The following LRBA variants were observed in gnomAD, a reference collection of about 807,000 sequenced individuals.
LRBA encodes the protein LPS responsive beige-like anchor protein.
LRBA carries 176 observed loss-of-function variants against 330.0 expected under a neutral mutation model. That is an observed-to-expected ratio of 0.53 (90% confidence interval 0.47 to 0.60). The LOEUF (loss-of-function observed/expected upper bound fraction) is 0.60. LRBA is among the 20% of genes least tolerant of loss of function. LRBA has a pLI of 0.00. For missense variants in LRBA, 3,259 were observed against 3,444.8 expected (o/e 0.95, Z 1.35); for synonymous variants, 1,230 against 1,193.0 (o/e 1.03, Z -0.64).
At chr4:150,774,931 T>A (rs1307853397) in intron 34 of LRBA, among the ~76,000 whole-genome samples, 1 of 152,214 alleles carries the variant, frequency 6.6e-6, no homozygotes, top group Non-Finnish European at 1.5e-5. Flanking sequence ...GCATACTATC[T>A]ACTTCTCCCC....
chr4:150,581,441 T>A (rs1771317265), intron 40 of LRBA: 1 of 356,616 alleles, frequency 2.8e-6, no homozygotes, highest in African/African-American at 2.2e-5. Context: ...CCTGGAAAAA[T>A]TAGGTCCTTT....
intron 30 of LRBA, 38 bp downstream of exon 30, chr4:150,828,142 T>G (rs893264833): frequency 1.3e-6 from 2 of 1,588,808 alleles, no homozygotes; most frequent in African/African-American, 2.7e-5. Flanking sequence ...AAGGGTCAGA[T>G]GTAGAAACAT....
chr4:150,554,752 A>C (rs1166818217), intron 40 of LRBA, among the ~76,000 whole-genome samples: 5 of 152,146 alleles, frequency 3.3e-5, no homozygotes, highest in Admixed American at 3.3e-4. Context: ...AAATTCTTCA[A>C]CAAAACATTC....
chr4:150,768,926 CCTTTTTTTT>C (rs1186653665), intron 34 of LRBA, among the ~76,000 whole-genome samples: 2 of 123,090 alleles, frequency 1.6e-5, no homozygotes, highest in Non-Finnish European at 3.3e-5. Flanking sequence ...AGTGCTGTCT[CCTTTTTTTT>C]TTTTTTTTTT....
At chr4:150,864,276 C>T (rs1752395022) in intron 22 of LRBA, among the ~76,000 whole-genome samples, 1 of 152,082 alleles carries the variant, frequency 6.6e-6, no homozygotes, top group Non-Finnish European at 1.5e-5. Context: ...TCCCCAAAGA[C>T]TCTTTATCTA....
intron 26 of LRBA, among the ~76,000 whole-genome samples, chr4:150,845,403 T>C (rs555303063): frequency 6.6e-6 from 1 of 152,178 alleles, no homozygotes; most frequent in Non-Finnish European, 1.5e-5. Flanking sequence ...TTGATTAATA[T>C]ACAGTCTAAA....
At chr4:150,758,267 C>T (rs774703803) in intron 35 of LRBA, among the ~76,000 whole-genome samples, 69 of 152,172 alleles carry the variant, frequency 4.5e-4, no homozygotes, top group Non-Finnish European at 9.3e-4. Context: ...AACGATCCTG[C>T]TTTGTTCTAA....
At chr4:150,366,489 C>T (rs534032280) in intron 47 of LRBA, among the ~76,000 whole-genome samples, 1 of 152,260 alleles carries the variant, frequency 6.6e-6, no homozygotes, top group Non-Finnish European at 1.5e-5. Flanking sequence ...AAAAGACAAA[C>T]AGCATGGCAA....
intron 37 of LRBA, among the ~76,000 whole-genome samples, chr4:150,644,714 C>T (rs1208574418): frequency 1.3e-5 from 2 of 151,752 alleles, no homozygotes; most frequent in Non-Finnish European, 3.0e-5. Flanking sequence ...AAAAACGAGC[C>T]TCTGAATAAT....
At chr4:150,657,005 G>C (rs892349282) in intron 37 of LRBA, among the ~76,000 whole-genome samples, 1 of 152,190 alleles carries the variant, frequency 6.6e-6, no homozygotes, top group Non-Finnish European at 1.5e-5. Flanking sequence ...AATGTTGTAA[G>C]AGCCCATAGA....
At chr4:150,910,805 T>C (rs1441427059) in intron 9 of LRBA, among the ~76,000 whole-genome samples, 1 of 152,202 alleles carries the variant, frequency 6.6e-6, no homozygotes, top group East Asian at 1.9e-4. Flanking sequence ...GTCTTTACAT[T>C]TGTTTCGGTC....
chr4:150,885,620 C>CA (rs920814190), intron 17 of LRBA, among the ~76,000 whole-genome samples: 34 of 143,406 alleles, frequency 2.4e-4, no homozygotes, highest in Admixed American at 3.5e-4. Context: ...GACTCTGTCT[C>CA]AAAAAAAAAA....
At chr4:150,860,446 A>G (rs892830147) in intron 22 of LRBA, among the ~76,000 whole-genome samples, 1 of 152,178 alleles carries the variant, frequency 6.6e-6, no homozygotes, top group African/African-American at 2.4e-5. Flanking sequence ...TTCTTGGTCA[A>G]AAGTAGGCAC....
At chr4:150,866,815 A>C (rs987255978) in intron 22 of LRBA, among the ~76,000 whole-genome samples, 2 of 152,190 alleles carry the variant, frequency 1.3e-5, no homozygotes, top group African/African-American at 4.8e-5. Flanking sequence ...AGTAATAAGC[A>C]CAAACAGTAA....
At chr4:150,665,315 C>T (rs1034311879) in intron 37 of LRBA, among the ~76,000 whole-genome samples, 1 of 152,156 alleles carries the variant, frequency 6.6e-6, no homozygotes, top group Non-Finnish European at 1.5e-5. Context: ...TCAACTACAT[C>T]GTTTGGACAA....
At chr4:150,934,452 C>T (rs1734853256) in intron 2 of LRBA, among the ~76,000 whole-genome samples, 1 of 152,236 alleles carries the variant, frequency 6.6e-6, no homozygotes, top group African/African-American at 2.4e-5. Flanking sequence ...CACACTTTTA[C>T]TGAATGCCTA....
At chr4:150,903,563 ACAT>A (rs1470637179) in intron 13 of LRBA, among the ~76,000 whole-genome samples, 1 of 151,994 alleles carries the variant, frequency 6.6e-6, no homozygotes, top group East Asian at 1.9e-4. Flanking sequence ...ACATGGCAAA[ACAT>A]CATCTCTACA....
chr4:150,909,110 TTC>T (rs1413888907), intron 9 of LRBA, among the ~76,000 whole-genome samples: 1 of 152,138 alleles, frequency 6.6e-6, no homozygotes, highest in African/African-American at 2.4e-5. Flanking sequence ...TTTTCGTATA[TTC>T]TTTTTTTAAA....
chr4:150,570,734 T>C (rs1343974376), intron 40 of LRBA, among the ~76,000 whole-genome samples: 1 of 152,130 alleles, frequency 6.6e-6, no homozygotes, highest in Non-Finnish European at 1.5e-5. Flanking sequence ...CAGTGCAATG[T>C]AGGTGCCCAT....
Sources: gnomAD v4.1 joint callset for allele counts (sites outside exome capture counted in the v4.1 genomes callset) on GRCh38, gnomAD v4.1.1 for gene constraint, MANE v1.5 for transcripts, NCBI Gene and HGNC (gene_info 2026-07-23, HGNC 2026-07-21) for gene names.